The following EHBP1 variants were observed in gnomAD, a reference collection of about 807,000 sequenced individuals.
The protein encoded by EHBP1 is EH domain binding protein 1, also known as EH domain-binding protein 1.
A neutral mutation model predicts 144.0 loss-of-function variants in EHBP1; 55 were observed. The observed-to-expected ratio is 0.38, with a 90% CI of 0.31 to 0.48. EHBP1 has a LOEUF of 0.48. Among genes scored for constraint, EHBP1 ranks in the 20% least tolerant of loss-of-function variants. The pLI, the probability that EHBP1 is intolerant of heterozygous loss-of-function variation, is 0.98. For missense variants in EHBP1, 1,200 were observed against 1,364.2 expected (o/e 0.88, Z 1.90); for synonymous variants, 469 against 472.7 (o/e 0.99, Z 0.10).
At chr2:62,852,659 T>A (rs1201032246) in intron 7 of EHBP1, among the ~76,000 whole-genome samples, 1 of 152,082 alleles carries the variant, frequency 6.6e-6, no homozygotes, top group Admixed American at 6.6e-5. Flanking sequence ...TAAAAATAAA[T>A]CATTTGTAAA....
intron 5 of EHBP1, among the ~76,000 whole-genome samples, chr2:62,785,115 GTCTTAC>G (rs2042713269): frequency 6.6e-6 from 1 of 151,834 alleles, no homozygotes; most frequent in African/African-American, 2.4e-5. Flanking sequence ...ACTGAAACAA[GTCTTAC>G]TCTTACAAGT....
intron 19 of EHBP1, among the ~76,000 whole-genome samples, chr2:63,023,088 C>T (rs1187485074): frequency 1.3e-5 from 2 of 152,062 alleles, no homozygotes; most frequent in African/African-American, 2.4e-5. Context: ...GCAAGAGAAT[C>T]GCTGGAACCC....
chr2:62,970,833 G>A (rs1480774414), intron 14 of EHBP1, among the ~76,000 whole-genome samples: 1 of 152,120 alleles, frequency 6.6e-6, no homozygotes, highest in Non-Finnish European at 1.5e-5. Flanking sequence ...TCTGCTAGGG[G>A]GTTGTAGCTG....
intron 3 of EHBP1, among the ~76,000 whole-genome samples, chr2:62,758,469 C>A (rs1227053407): frequency 2.6e-5 from 4 of 152,126 alleles, no homozygotes; most frequent in Non-Finnish European, 5.9e-5. Context: ...ATGCAGCTTC[C>A]CTTCCTCTTC....
chr2:62,893,889 C>CA (rs36002095), intron 10 of EHBP1, among the ~76,000 whole-genome samples: 1 of 152,094 alleles, frequency 6.6e-6, no homozygotes, highest in Non-Finnish European at 1.5e-5. Flanking sequence ...ACTACAAATA[C>CA]AAAAAATTAG....
At chr2:62,697,517 TAAAC>T (rs910422049) in intron 1 of EHBP1, among the ~76,000 whole-genome samples, 2 of 152,306 alleles carry the variant, frequency 1.3e-5, no homozygotes, top group East Asian at 3.9e-4. Context: ...TTGTCATTGT[TAAAC>T]AAAGCACGGT....
At chr2:62,995,091 C>G (rs532070904) in intron 18 of EHBP1, among the ~76,000 whole-genome samples, 1 of 152,072 alleles carries the variant, frequency 6.6e-6, no homozygotes, top group East Asian at 1.9e-4. Context: ...TAAAATATCC[C>G]TTTTGAAAAT....
intron 5 of EHBP1, among the ~76,000 whole-genome samples, chr2:62,792,769 C>T (rs778407694): frequency 3.3e-5 from 5 of 152,012 alleles, no homozygotes; most frequent in African/African-American, 1.2e-4. Context: ...TGATTTCACT[C>T]TCAGTATACT....
chr2:62,762,166 T>C (rs976981336), intron 3 of EHBP1, among the ~76,000 whole-genome samples: 2 of 152,204 alleles, frequency 1.3e-5, no homozygotes. Flanking sequence ...CTATTTGACT[T>C]GTCATCAACA....
At chr2:62,942,671 C>CCT in intron 10 of EHBP1, 47 bp from the exon 11 acceptor site, 1 of 1,480,554 alleles carries the variant, frequency 6.8e-7, no homozygotes, top group Non-Finnish European at 9.2e-7. Flanking sequence ...TAATTTTCAT[C>CCT]TTCCATTAAA....
chr2:62,967,890 T>A (rs1339332692), intron 14 of EHBP1, among the ~76,000 whole-genome samples: 1 of 151,966 alleles, frequency 6.6e-6, no homozygotes, highest in East Asian at 1.9e-4. Context: ...TTTTTTCATC[T>A]CAAATGTCAA....
chr2:62,944,108 G>A (rs1234047668), intron 12 of EHBP1, among the ~76,000 whole-genome samples: 3 of 152,128 alleles, frequency 2.0e-5, no homozygotes, highest in East Asian at 3.8e-4. Flanking sequence ...TTAAAGCATA[G>A]TGCTTTTTTT....
At chr2:62,714,764 C>G (rs1224374778) in intron 2 of EHBP1, among the ~76,000 whole-genome samples, 14 of 152,026 alleles carry the variant, frequency 9.2e-5, no homozygotes, top group South Asian at 2.1e-4. Context: ...TAAATATAAC[C>G]TGAACTTTTA....
intron 2 of EHBP1, among the ~76,000 whole-genome samples, chr2:62,742,542 C>T (rs2038811693): frequency 6.6e-6 from 1 of 151,970 alleles, no homozygotes; most frequent in Non-Finnish European, 1.5e-5. Context: ...GTCTGAAAAG[C>T]ATTTGTCATA....
At chr2:62,983,383 G>A (rs1208406177) in intron 15 of EHBP1, among the ~76,000 whole-genome samples, 2 of 151,858 alleles carry the variant, frequency 1.3e-5, no homozygotes, top group African/African-American at 4.8e-5. Context: ...TGACTACCTT[G>A]TTTTAAGATG....
intron 10 of EHBP1, among the ~76,000 whole-genome samples, chr2:62,904,716 C>T (rs182297524): frequency 6.6e-6 from 1 of 152,200 alleles, no homozygotes; most frequent in Non-Finnish European, 1.5e-5. Flanking sequence ...TCAAGTGACT[C>T]TTCCCATGTG....
intron 5 of EHBP1, among the ~76,000 whole-genome samples, chr2:62,785,782 AT>A (rs1177344702): frequency 6.6e-6 from 1 of 152,068 alleles, no homozygotes; most frequent in Non-Finnish European, 1.5e-5. Context: ...GCCCTAAAAT[AT>A]TTTTAAACTT....
At chr2:62,777,297 A>T (rs1049297028) in intron 5 of EHBP1, among the ~76,000 whole-genome samples, 1 of 152,178 alleles carries the variant, frequency 6.6e-6, no homozygotes, top group African/African-American at 2.4e-5. Context: ...ATCTAAAAAA[A>T]TTTATTTTTC....
intron 9 of EHBP1, among the ~76,000 whole-genome samples, chr2:62,865,742 C>G (rs1041374036): frequency 6.6e-6 from 1 of 152,148 alleles, no homozygotes; most frequent in African/African-American, 2.4e-5. Flanking sequence ...AGAACAGAAA[C>G]AAGACGAGCC....
Sources: allele counts gnomAD v4.1 joint callset (sites outside exome capture counted in the v4.1 genomes callset), GRCh38; gene constraint gnomAD v4.1.1; transcripts MANE v1.5; gene names NCBI Gene and HGNC (gene_info 2026-07-23, HGNC 2026-07-21).